SCD5: variants seen among roughly 807,000 people sequenced by gnomAD.
SCD5 encodes stearoyl-CoA desaturase 5.
Under a neutral mutation model 30.4 loss-of-function variants are expected in SCD5, and 20 were observed. The ratio of observed to expected loss-of-function variants is 0.66; its 90% CI spans 0.46 to 0.96. SCD5 has a LOEUF of 0.96. Ranked by LOEUF, SCD5 falls within the 40% of genes least tolerant of loss-of-function variation. The pLI, the probability that SCD5 is intolerant of heterozygous loss-of-function variation, is 0.00. For synonymous variants in SCD5, 173 were observed against 176.4 expected (o/e 0.98, Z 0.16); for missense variants, 381 against 443.3 (o/e 0.86, Z 1.26).
chr4:82,719,271 C>T (rs1037895359), intron 1 of SCD5, among the ~76,000 whole-genome samples: 9 of 151,556 alleles, frequency 5.9e-5, no homozygotes, highest in Admixed American at 2.6e-4. Context: ...CCCTGTTTAC[C>T]CCATACAGTA....
intron 1 of SCD5, among the ~76,000 whole-genome samples, chr4:82,723,427 T>C (rs1353366189): frequency 6.6e-6 from 1 of 152,208 alleles, no homozygotes; most frequent in Non-Finnish European, 1.5e-5. Context: ...CTTTCTTGTA[T>C]ACCTAAGAAG....
chr4:82,666,156 A>G (rs1728182235), intron 3 of SCD5, among the ~76,000 whole-genome samples: 1 of 152,192 alleles, frequency 6.6e-6, no homozygotes, highest in Non-Finnish European at 1.5e-5. Context: ...TCTACTTTTT[A>G]TGTCTTACCA....
chr4:82,773,137 A>T (rs1005538220), intron 1 of SCD5, among the ~76,000 whole-genome samples: 1 of 152,174 alleles, frequency 6.6e-6, no homozygotes, highest in African/African-American at 2.4e-5. Context: ...TTCGAGGGGT[A>T]CAATAGAGTC....
chr4:82,679,238 A>AAGAGAGAGAGAG (rs1553915598), intron 3 of SCD5, among the ~76,000 whole-genome samples: 1 of 89,008 alleles, frequency 1.1e-5, no homozygotes, highest in Non-Finnish European at 2.2e-5. Flanking sequence ...GAAAGAAAGA[A>AAGAGAGAGAGAG]AGAAAGAAAG....
At chr4:82,670,747 T>C (rs775410045) in intron 3 of SCD5, among the ~76,000 whole-genome samples, 7 of 151,842 alleles carry the variant, frequency 4.6e-5, no homozygotes, top group South Asian at 2.1e-4. Context: ...CAATTCCATG[T>C]CAATTGATAT....
At chr4:82,695,253 A>ATATT (rs141067986) in intron 2 of SCD5, among the ~76,000 whole-genome samples, 15,353 of 151,588 alleles carry the variant, frequency 0.1, 1,011 homozygotes, top group African/African-American at 0.18. Flanking sequence ...AGCCACTGAA[A>ATATT]TATTTATTTA....
At chr4:82,718,605 C>T (rs1720285301) in intron 1 of SCD5, among the ~76,000 whole-genome samples, 2 of 151,662 alleles carry the variant, frequency 1.3e-5, no homozygotes, top group Admixed American at 1.3e-4. Context: ...GTTGTTATCA[C>T]AATGTTTCTG....
intron 1 of SCD5, among the ~76,000 whole-genome samples, chr4:82,752,794 C>T (rs889902817): frequency 6.6e-6 from 1 of 152,074 alleles, no homozygotes; most frequent in Non-Finnish European, 1.5e-5. Flanking sequence ...TCCCTTTTTC[C>T]CCCTAAATAA....
At chr4:82,724,513 T>C (rs1364499456) in intron 1 of SCD5, among the ~76,000 whole-genome samples, 2 of 152,160 alleles carry the variant, frequency 1.3e-5, no homozygotes, top group African/African-American at 4.8e-5. Context: ...ACCAAACTGA[T>C]TAAACTTAAA....
At position 82,684,860 on chromosome 4, in the gene SCD5, G is replaced by A. The variant is rs148489493; in HGVS notation, c.364-3948C>T. Among the ~76,000 whole-genome samples, 19 of 152,286 alleles carry A rather than the reference G, an allele frequency of 1.2e-4. No individual in the cohort carries two copies. The East Asian group carries it at 3.5e-3, about 28-fold the overall frequency. ...AACAAAAACAATATTAAGGCATACA[G>A]AGATGACAAATGCCCATCATGAACT... On this transcript the variant is annotated intron_variant, in intron 2 of 4. Coordinates refer to ENST00000319540, the MANE Select transcript of SCD5 (RefSeq NM_001037582.3).
At chr4:82,788,073 G>A (rs1172923567) in intron 1 of SCD5, among the ~76,000 whole-genome samples, 4 of 152,130 alleles carry the variant, frequency 2.6e-5, no homozygotes, top group Admixed American at 2.6e-4. Context: ...TTAAAAGGCT[G>A]GAGAGAGAAG....
chr4:82,755,507 AAAAG>A (rs1171820829), intron 1 of SCD5, among the ~76,000 whole-genome samples: 6 of 152,272 alleles, frequency 3.9e-5, no homozygotes, highest in Admixed American at 2.0e-4. Context: ...CAAAAAACAG[AAAAG>A]AAAGAAAGAA....
At chr4:82,754,887 G>A (rs1350175291) in intron 1 of SCD5, among the ~76,000 whole-genome samples, 1 of 152,160 alleles carries the variant, frequency 6.6e-6, no homozygotes, top group African/African-American at 2.4e-5. Flanking sequence ...GCACAGAGCT[G>A]AGCCTCAGGA....
At chr4:82,783,163 T>C (rs1242353202) in intron 1 of SCD5, among the ~76,000 whole-genome samples, 3 of 152,194 alleles carry the variant, frequency 2.0e-5, no homozygotes, top group Non-Finnish European at 4.4e-5. Context: ...GACCACACTG[T>C]GCACTTCAGT....
chr4:82,794,872 C>T (rs1462640110), intron 1 of SCD5, among the ~76,000 whole-genome samples: 7 of 151,922 alleles, frequency 4.6e-5, no homozygotes, highest in Non-Finnish European at 1.0e-4. Context: ...AGGATGGTCT[C>T]GATCTCCTGA....
intron 1 of SCD5, among the ~76,000 whole-genome samples, chr4:82,745,213 G>T (rs1458577921): frequency 6.6e-6 from 1 of 152,182 alleles, no homozygotes; most frequent in Non-Finnish European, 1.5e-5. Context: ...GTCTGATCCG[G>T]TGACTACATT....
At chr4:82,745,878 G>C (rs2148840454) in intron 1 of SCD5, among the ~76,000 whole-genome samples, 1 of 152,306 alleles carries the variant, frequency 6.6e-6, no homozygotes, top group African/African-American at 2.4e-5. Context: ...GCTAAGTAGA[G>C]TCAAATTCTC....
chr4:82,765,139 T>C (rs1721460230), intron 1 of SCD5, among the ~76,000 whole-genome samples: 1 of 152,240 alleles, frequency 6.6e-6, no homozygotes, highest in South Asian at 2.1e-4. Context: ...ATTTTTCTTT[T>C]AATTGAAGGA....
chr4:82,768,362 T>C (rs1367419299), intron 1 of SCD5, among the ~76,000 whole-genome samples: 4 of 152,008 alleles, frequency 2.6e-5, no homozygotes, highest in Non-Finnish European at 1.5e-5. Context: ...AAAAATAACA[T>C]TGGCCTAAAA....
Sources: allele counts gnomAD v4.1 joint callset (sites outside exome capture counted in the v4.1 genomes callset), GRCh38; gene constraint gnomAD v4.1.1; transcripts MANE v1.5; gene names NCBI Gene and HGNC (gene_info 2026-07-23, HGNC 2026-07-21).